MARVELD2: variants seen among roughly 807,000 people sequenced by gnomAD.
The protein encoded by MARVELD2 is MARVEL domain containing 2, also known as MARVEL domain-containing protein 2.
A neutral mutation model predicts 57.6 loss-of-function variants in MARVELD2; 49 were observed. The ratio of observed to expected loss-of-function variants is 0.85; its 90% confidence interval spans 0.68 to 1.08. MARVELD2 has a LOEUF of 1.08. MARVELD2 is among the 50% of genes least tolerant of loss of function. MARVELD2 has a pLI of 0.00. For missense variants in MARVELD2, 606 were observed against 701.1 expected (o/e 0.86, Z 1.53); for synonymous variants, 238 against 258.8 (o/e 0.92, Z 0.77).
chr5:69,430,559 C>T (rs1047874106), intron 3 of MARVELD2, among the ~76,000 whole-genome samples: 2 of 150,996 alleles, frequency 1.3e-5, no homozygotes, highest in African/African-American at 4.9e-5. Context: ...TTTGAGACGG[C>T]GTCTCGCTCT....
chr5:69,438,737 T>C (rs1767233825), intron 5 of MARVELD2, among the ~76,000 whole-genome samples: 1 of 151,706 alleles, frequency 6.6e-6, no homozygotes, highest in South Asian at 2.1e-4. Flanking sequence ...ATACAAAAAA[T>C]TAGCTGGGCG....
intron 3 of MARVELD2, among the ~76,000 whole-genome samples, chr5:69,432,155 C>T (rs967182779): frequency 2.0e-5 from 3 of 152,056 alleles, no homozygotes; most frequent in Admixed American, 1.3e-4. Context: ...GGATTATAGG[C>T]ACCCGCCACC....
At chr5:69,424,839 A>G (rs533586853) in intron 3 of MARVELD2, among the ~76,000 whole-genome samples, 1 of 152,214 alleles carries the variant, frequency 6.6e-6, no homozygotes, top group East Asian at 1.9e-4. Context: ...AGCCTGGCCA[A>G]AATGGTGAAA....
At chr5:69,420,615 T>A in intron 2 of MARVELD2, 84 bp downstream of exon 2, 6 of 1,261,634 alleles carry the variant, frequency 4.8e-6, no homozygotes, top group Non-Finnish European at 6.7e-6. Context: ...TGTATAGCGC[T>A]CAAAACAGAA....
intron 5 of MARVELD2, among the ~76,000 whole-genome samples, chr5:69,436,269 G>T (rs1767133924): frequency 6.6e-6 from 1 of 152,038 alleles, no homozygotes; most frequent in African/African-American, 2.4e-5. Flanking sequence ...GCTGAGGCAG[G>T]CAAGTCGTGT....
At chr5:69,430,777 AC>A (rs774640827) in intron 3 of MARVELD2, among the ~76,000 whole-genome samples, 29 of 141,892 alleles carry the variant, frequency 2.0e-4, no homozygotes, top group African/African-American at 6.4e-4. Context: ...TAAATGATCC[AC>A]CCCCCTCGGC....
At chr5:69,436,187 A>G (rs1767131814) in intron 5 of MARVELD2, among the ~76,000 whole-genome samples, 1 of 151,994 alleles carries the variant, frequency 6.6e-6, no homozygotes, top group Admixed American at 6.6e-5. Flanking sequence ...AATTTTAAAA[A>G]CACAGCTTTG....
Position 69,419,876 on chromosome 5 carries a change from G to A in MARVELD2, c.491G>A (p.Arg164Gln), listed in dbSNP as rs151176949. 41 of 1,614,114 alleles carry A rather than the reference G, an allele frequency of 2.5e-5. 1 individual carries two copies. The African/African-American group carries it at 2.8e-4, about 11-fold the overall frequency. The change falls in exon 2 of 7, where the codon CGA becomes CAA. Residue 164 changes from arginine (R) to glutamine (Q), a missense_variant. Physicochemically the swap from Arg to Gln is conservative, Grantham distance 43. Coordinates refer to ENST00000325631, the MANE Select transcript of MARVELD2 (RefSeq NM_001038603.3). The stretch of plus-strand genomic sequence containing the variant: ...CGGGATCCCTATGGATCTCTAGACC[G>A]ACACACACAAACAGTTCGAACATAC... ...FPRDPYGSLD[R>Q]HTQTVRTYSE...
At position 69,432,653 on chromosome 5, in the gene MARVELD2, A is replaced by G. The variant is rs780834302; in HGVS notation, c.1309A>G (p.Ile437Val). The G allele has an allele frequency of 6.2e-7, 1 of 1,613,972 alleles. No homozygotes were observed. The highest frequency in any genetic ancestry group is 1.1e-5 in the South Asian group (1 of 91,086). ...CCCCCCAGGCCACATTCCTAAACCT[A>G]TCGTGATGCCCGACTATGTGGCGTG... ...HIPPGHIPKP[I>V]VMPDYVAKYP... Residue 437 changes from isoleucine (I) to valine (V), a missense_variant, in exon 4 of 7, where the codon ATC becomes GTC. Coordinates refer to ENST00000325631, the MANE Select transcript of MARVELD2 (RefSeq NM_001038603.3).
chr5:69,432,965 A>G lies in MARVELD2; in HGVS notation c.1375A>G (p.Lys459Glu). The G allele has an allele frequency of 6.2e-7, 1 of 1,614,214 alleles. No homozygotes were observed. Among genetic ancestry groups the G allele is most frequent in the South Asian group, 1.1e-5 (1 of 91,092 alleles). Residue 459 changes from lysine to glutamate, a missense_variant, in exon 5 of 7, where the codon AAA (lysine) becomes GAA (glutamate). By Grantham distance (56) the Lys-to-Glu change is moderately conservative. Transcript: ENST00000325631. ...IQTDDERERY[K>E]AVFQDQFSEY... ...GACAGATGATGAGCGAGAACGCTAT[A>G]AAGCTGTGTTCCAAGACCAGTTTTC... is the stretch of plus-strand genomic sequence containing the variant.
chr5:69,435,733 A>G (rs1329871946), intron 5 of MARVELD2, among the ~76,000 whole-genome samples: 2 of 144,254 alleles, frequency 1.4e-5, no homozygotes, highest in African/African-American at 2.6e-5. Flanking sequence ...AGCCTGGGCA[A>G]CAGAGTGAGA....
In MARVELD2 at chr5:69,432,676, G is replaced by GT. The variant is rs1270225703; in HGVS notation, c.1331+2dup. 2 of 1,613,864 alleles carry GT rather than the reference G, an allele frequency of 1.2e-6. No homozygotes were observed. Among genetic ancestry groups the GT allele is most frequent in the African/African-American group, 2.7e-5 (2 of 74,906 alleles). ...CTATCGTGATGCCCGACTATGTGGC[G>GT]TGAGTGTCAGTCTGAATTCTTCCTC... On this transcript the variant is annotated splice_donor_variant, in intron 4 of 6. Coordinates refer to ENST00000325631, the MANE Select transcript of MARVELD2 (RefSeq NM_001038603.3). LOFTEE classifies it high-confidence loss of function.
At chr5:69,432,281 G>C (rs139766270) in intron 3 of MARVELD2, among the ~76,000 whole-genome samples, 1 of 152,086 alleles carries the variant, frequency 6.6e-6, no homozygotes, top group Non-Finnish European at 1.5e-5. Flanking sequence ...AAAGTGCTGG[G>C]ATTACAGGCG....
intron 3 of MARVELD2, 100 bp downstream of exon 3, chr5:69,424,736 A>C: frequency 1.0e-6 from 1 of 987,690 alleles, no homozygotes; most frequent in Non-Finnish European, 1.6e-6. Flanking sequence ...TGTGAAATGT[A>C]GCTATTGGCC....
chr5:69,434,221 T>C (rs1297025040), intron 5 of MARVELD2, among the ~76,000 whole-genome samples: 2 of 151,940 alleles, frequency 1.3e-5, no homozygotes, highest in Admixed American at 1.3e-4. Context: ...CCCAACACTT[T>C]AAGAGGCCAA....
chr5:69,426,195 G>A (rs139998581), intron 3 of MARVELD2, among the ~76,000 whole-genome samples: 176 of 151,318 alleles, frequency 1.2e-3, no homozygotes, highest in African/African-American at 4.0e-3. Context: ...TTCATACCTC[G>A]CAAGTTTGCT....
intron 5 of MARVELD2, among the ~76,000 whole-genome samples, chr5:69,435,569 C>T (rs994086288): frequency 6.6e-6 from 1 of 151,346 alleles, no homozygotes; most frequent in Non-Finnish European, 1.5e-5. Flanking sequence ...GCCTGGCCAA[C>T]ATGGTGAAAT....
intron 5 of MARVELD2, among the ~76,000 whole-genome samples, chr5:69,436,053 C>A (rs371738289): frequency 3.3e-5 from 5 of 152,132 alleles, no homozygotes; most frequent in South Asian, 2.1e-4. Context: ...GACATTTGGT[C>A]ATTTCCAAAT....
At chr5:69,429,003 A>C (rs550627819) in intron 3 of MARVELD2, among the ~76,000 whole-genome samples, 3 of 152,342 alleles carry the variant, frequency 2.0e-5, no homozygotes, top group Non-Finnish European at 2.9e-5. Context: ...AATCAGCAAG[A>C]AATACAGCAG....
Sources: gnomAD v4.1 joint callset for allele counts (sites outside exome capture counted in the v4.1 genomes callset) on GRCh38, gnomAD v4.1.1 for gene constraint, MANE v1.5 for transcripts, NCBI Gene and HGNC (gene_info 2026-07-23, HGNC 2026-07-21) for gene names.